The following ERCC6L2 variants were observed in gnomAD, a reference collection of about 807,000 sequenced individuals.
The protein encoded by ERCC6L2 is DNA excision repair protein ERCC-6-like 2.
In ERCC6L2, 77 loss-of-function variants were observed where a neutral mutation model predicts 132.0. The ratio of observed to expected loss-of-function variants is 0.58; its 90% CI spans 0.49 to 0.71. The LOEUF (loss-of-function observed/expected upper bound fraction) is 0.71. ERCC6L2 is among the 30% of genes least tolerant of loss of function. The probability of loss-of-function intolerance (pLI) is 0.00; values close to 1 mark genes in which losing one functional copy is unlikely to be tolerated. For missense variants in ERCC6L2, 1,542 were observed against 1,837.6 expected, an observed-to-expected ratio of 0.84 and a Z score of 2.94; for synonymous variants, 583 against 632.4, an observed-to-expected ratio of 0.92 and a Z score of 1.17.
chr9:95,880,571 TA>T (rs1283639584), intron 1 of ERCC6L2, among the ~76,000 whole-genome samples: 5 of 152,138 alleles, frequency 3.3e-5, no homozygotes, highest in African/African-American at 1.2e-4. Flanking sequence ...ATCCACTGAA[TA>T]AGAATCACTA....
At chr9:95,887,417 A>C (rs1194608116) in intron 2 of ERCC6L2, among the ~76,000 whole-genome samples, 3 of 152,230 alleles carry the variant, frequency 2.0e-5, no homozygotes, top group Admixed American at 1.3e-4. Context: ...TTAGTTTTTA[A>C]TGGTAGTGTG....
At chr9:96,027,118 ACACACAC>A (rs1834387151) in intron 19 of ERCC6L2, among the ~76,000 whole-genome samples, 1 of 145,274 alleles carries the variant, frequency 6.9e-6, no homozygotes, top group African/African-American at 2.6e-5. Context: ...TACACACACC[ACACACAC>A]CACACACAAC....
At position 96,012,262 on chromosome 9, in the gene ERCC6L2, T is replaced by C. The variant is rs897461109; in HGVS notation, c.3712T>C (p.Ser1238Pro). ...AGAAATGGCCTCTTATTTTAACTCGTCTTCTGTAAACGAATTTGCTAAACA... is the reference window on the plus strand; with the variant it reads ...AGAAATGGCCTCTTATTTTAACTCGCCTTCTGTAAACGAATTTGCTAAACA... ...FEEMASYFNS[S>P]SVNEFAKHIT... The change falls in exon 19 of 19, where the codon TCT becomes CCT. Residue 1238 changes from serine (S) to proline (P), a missense_variant. Around this residue, in one of 4 missense-constraint regions of ERCC6L2, gnomAD observed 442 missense variants for 583.4 expected, o/e 0.76. Transcript: ENST00000653738. 5.4e-6 allele frequency: 7 copies of C among 1,297,566 alleles called. No individual in the cohort carries two copies. The African/African-American group carries it at 7.6e-5, about 14-fold the overall frequency. The allele number at this position is 1,297,566 out of a possible 1,614,324, so 80.4% of individuals were successfully genotyped here. A position where few individuals can be genotyped will look rare whatever the true frequency, so the allele number is the denominator to read the frequency against.
chr9:96,024,364 A>G lies in ERCC6L2; in HGVS notation c.*1504-14512A>G, dbSNP rs574945076. ...GACATAGATTCTTTAAAGTCTGGGT[A>G]ATCAATCCCAATGTATTCAAGAGAG... is the stretch of plus-strand genomic sequence containing the variant. On this transcript the variant is annotated intron_variant and NMD_transcript_variant, in intron 19 of 20. Transcript: ENST00000670016. Among the ~76,000 whole-genome samples, 20 of 152,356 alleles carry G rather than the reference A, an allele frequency of 1.3e-4. No individual in the cohort carries two copies. In the East Asian group the frequency reaches 3.9e-3, roughly 29 times the overall value.
chr9:95,977,924 TC>T, intron 16 of ERCC6L2, 136 bp from the exon 17 acceptor site: 1 of 501,984 alleles, frequency 2.0e-6, no homozygotes, highest in African/African-American at 2.1e-5. Flanking sequence ...GAACTCTTTC[TC>T]TTTTCAATAT....
rs1040832334 is a variant in ERCC6L2 at position 96,015,945 on chromosome 9, G to A, written c.*2742G>A. Among the ~76,000 whole-genome samples the A allele has an allele frequency of 1.3e-5, 2 of 152,204 alleles. No homozygotes were observed. The highest frequency in any genetic ancestry group is 2.4e-5 in the African/African-American group (1 of 41,456). On this transcript the variant is annotated 3_prime_UTR_variant, in exon 19 of 19. Transcript: ENST00000653738. ...TGTGTCAGGTGGAATGCAGAGTCCAGTATGAAAAGGAGCCTGTTTCAGAAC... is the reference window on the plus strand; with the variant it reads ...TGTGTCAGGTGGAATGCAGAGTCCAATATGAAAAGGAGCCTGTTTCAGAAC...
At position 95,875,942 on chromosome 9, in the gene ERCC6L2, C is replaced by T; in HGVS notation, c.-97C>T. ...ATGCTCGGAGGGCGGCCGGAAGTGG[C>T]GTTGGCCGCCATTGGCCTGCCGGCC... On this transcript the variant is annotated 5_prime_UTR_variant, in exon 1 of 19. Coordinates refer to ENST00000653738, the MANE Select transcript of ERCC6L2 (RefSeq NM_020207.7). The T allele has an allele frequency of 3.0e-6, 4 of 1,333,778 alleles. No individual in the cohort carries two copies. The highest frequency in any genetic ancestry group is 1.4e-5 in the African/African-American group (1 of 69,544). The allele number at this position is 1,333,778 out of a possible 1,614,324, so 82.6% of individuals were successfully genotyped here. A position where few individuals can be genotyped will look rare whatever the true frequency, so the allele number is the denominator to read the frequency against.
rs755583805 is a variant in ERCC6L2, at chr9:95,880,873, A to G, written c.51A>G (p.Ile17Met). ...TTATTTTCTTTATTCTTGCAGACATATGGCATCCAGGAGAAAGATGTCTTG... is the reference window on the plus strand; with the variant it reads ...TTATTTTCTTTATTCTTGCAGACATGTGGCATCCAGGAGAAAGATGTCTTG... ...QPRAETSGKD[I>M]WHPGERCLAP... The change falls in exon 2 of 19, where the codon ATA becomes ATG. Residue 17 changes from isoleucine (I) to methionine (M), a missense_variant. Coordinates refer to ENST00000653738, the MANE Select transcript of ERCC6L2 (RefSeq NM_020207.7). The G allele has an allele frequency of 1.2e-6, 2 of 1,604,164 alleles. No homozygotes were observed. Among genetic ancestry groups the G allele is most frequent in the Non-Finnish European group, 1.7e-6 (2 of 1,175,870 alleles).
intron 17 of ERCC6L2, among the ~76,000 whole-genome samples, chr9:95,985,822 C>A (rs1468407092): frequency 2.0e-5 from 3 of 152,136 alleles, no homozygotes; most frequent in Non-Finnish European, 4.4e-5. Flanking sequence ...TTGGTACATA[C>A]CAACCACAGA....
chr9:95,957,197 G>A (rs189534297), intron 13 of ERCC6L2, among the ~76,000 whole-genome samples: 5 of 152,138 alleles, frequency 3.3e-5, no homozygotes, highest in East Asian at 3.9e-4. Flanking sequence ...CTGGAATAAG[G>A]TTCACGTGTA....
chr9:95,957,124 A>G (rs2132993901), intron 13 of ERCC6L2, among the ~76,000 whole-genome samples: 1 of 152,268 alleles, frequency 6.6e-6, no homozygotes, highest in East Asian at 1.9e-4. Flanking sequence ...ATCAATTACT[A>G]CTTCATTTAT....
intron 2 of ERCC6L2, among the ~76,000 whole-genome samples, chr9:95,893,943 C>T (rs1460463637): frequency 6.6e-6 from 1 of 151,816 alleles, no homozygotes; most frequent in Non-Finnish European, 1.5e-5. Flanking sequence ...ATTAATAGTC[C>T]CTCTTCTTTC....
chr9:95,948,058 C>T (rs918420860), intron 12 of ERCC6L2, among the ~76,000 whole-genome samples: 2 of 152,160 alleles, frequency 1.3e-5, no homozygotes, highest in Admixed American at 1.3e-4. Flanking sequence ...ATTTAAGAAA[C>T]ACATTTTGTA....
At chr9:95,926,770 T>G (rs1459916556) in intron 9 of ERCC6L2, among the ~76,000 whole-genome samples, 1 of 152,100 alleles carries the variant, frequency 6.6e-6, no homozygotes, top group Non-Finnish European at 1.5e-5. Context: ...CTAATGTAAA[T>G]TATGGACTTT....
At chr9:95,890,346 GTTAA>G (rs1257387088) in intron 2 of ERCC6L2, among the ~76,000 whole-genome samples, 1 of 152,092 alleles carries the variant, frequency 6.6e-6, no homozygotes, top group African/African-American at 2.4e-5. Context: ...AAACATTCAT[GTTAA>G]TTAGATATTC....
intron 3 of ERCC6L2, chr9:95,904,906 G>A (rs527899563): frequency 1.3e-5 from 2 of 152,058 alleles, no homozygotes; most frequent in Non-Finnish European, 2.9e-5. Flanking sequence ...TTAATAATAC[G>A]TAAGCAAATG....
rs116126261 is a variant in ERCC6L2, at chr9:96,018,114, G to A, written c.*4911G>A. ...GGAGAAAGGGGAGTTATTAATGGGTGTAGAGTTTCTGTTACACAGGATGCA... is the reference window on the plus strand; with the variant it reads ...GGAGAAAGGGGAGTTATTAATGGGTATAGAGTTTCTGTTACACAGGATGCA... On this transcript the variant is annotated 3_prime_UTR_variant, in exon 19 of 19. Coordinates refer to ENST00000653738, the MANE Select transcript of ERCC6L2 (RefSeq NM_020207.7). 1.0e-3 allele frequency among the ~76,000 whole-genome samples: 154 copies of A among 152,326 alleles called. 1 individual carries two copies. The highest frequency in any genetic ancestry group is 3.1e-3 in the African/African-American group (128 of 41,578).
intron 12 of ERCC6L2, among the ~76,000 whole-genome samples, chr9:95,947,684 A>G (rs1831127410): frequency 1.3e-5 from 2 of 152,194 alleles, no homozygotes; most frequent in African/African-American, 4.8e-5. Context: ...CTTGTTAGAG[A>G]CTAATGGAGC....
chr9:96,039,025 C>T (rs942786031), exon 20 of ERCC6L2: 3 of 433,128 alleles, frequency 6.9e-6, no homozygotes, highest in Admixed American at 5.1e-5. Flanking sequence ...AGACAGCTCC[C>T]CCAGCCCCAA....
Sources: allele counts gnomAD v4.1 joint callset (sites outside exome capture counted in the v4.1 genomes callset), GRCh38; gene constraint gnomAD v4.1.1; regional missense constraint gnomAD v4.1.1; transcripts MANE v1.5; gene names NCBI Gene and HGNC (gene_info 2026-07-23, HGNC 2026-07-21).